The following AUTS2 variants were observed in gnomAD, a reference collection of about 807,000 sequenced individuals.
The protein encoded by AUTS2 is activator of transcription and developmental regulator AUTS2.
Under a neutral mutation model 112.4 loss-of-function variants are expected in AUTS2, and 17 were observed. That is an observed-to-expected ratio of 0.15 (90% CI 0.10 to 0.23). The LOEUF (loss-of-function observed/expected upper bound fraction) is 0.23, where lower values mean the gene tolerates loss of function less well. Among genes scored for constraint, AUTS2 ranks in the 10% least tolerant of loss-of-function variants. The probability of loss-of-function intolerance (pLI) is 1.00; values close to 1 mark genes in which losing one functional copy is unlikely to be tolerated. For missense variants in AUTS2, 1,510 were observed against 1,701.6 expected (o/e 0.89, Z 1.98); for synonymous variants, 751 against 702.7 (o/e 1.07, Z -1.09).
At chr7:70,098,505 G>A (rs1804314559) in intron 2 of AUTS2, among the ~76,000 whole-genome samples, 1 of 152,088 alleles carries the variant, frequency 6.6e-6, no homozygotes. Context: ...TTACAGCAGA[G>A]CCATGCAGCT....
chr7:69,620,691 T>A (rs1793613514), intron 1 of AUTS2, among the ~76,000 whole-genome samples: 1 of 152,220 alleles, frequency 6.6e-6, no homozygotes, highest in African/African-American at 2.4e-5. Context: ...AATATGTTGT[T>A]TCACTAGCTT....
intron 5 of AUTS2, among the ~76,000 whole-genome samples, chr7:70,662,509 T>C (rs1005680285): frequency 2.6e-5 from 4 of 152,168 alleles, no homozygotes; most frequent in Non-Finnish European, 4.4e-5. Context: ...AAGCGAGAGT[T>C]GTAACTGTAT....
chr7:70,215,328 G>C (rs1811116001), intron 4 of AUTS2, among the ~76,000 whole-genome samples: 2 of 152,072 alleles, frequency 1.3e-5, no homozygotes, highest in Admixed American at 6.6e-5. Context: ...TGTTATAGCT[G>C]TTCATATCCT....
intron 4 of AUTS2, among the ~76,000 whole-genome samples, chr7:70,181,237 G>A (rs978876374): frequency 6.6e-6 from 1 of 152,100 alleles, no homozygotes; most frequent in African/African-American, 2.4e-5. Flanking sequence ...TACGAACAAT[G>A]TTTCTGTGAA....
chr7:69,969,846 T>G (rs1294494843), intron 2 of AUTS2, among the ~76,000 whole-genome samples: 1 of 152,194 alleles, frequency 6.6e-6, no homozygotes, highest in South Asian at 2.1e-4. Context: ...GCTGTGATGT[T>G]TGTCCAAAAC....
At chr7:70,259,731 T>G (rs1273608116) in intron 4 of AUTS2, among the ~76,000 whole-genome samples, 1 of 152,230 alleles carries the variant, frequency 6.6e-6, no homozygotes, top group Non-Finnish European at 1.5e-5. Context: ...ACTTTTCTGT[T>G]AAGTGCTAAG....
At chr7:70,736,326 G>A (rs1787780815) in intron 6 of AUTS2, among the ~76,000 whole-genome samples, 1 of 150,336 alleles carries the variant, frequency 6.7e-6, no homozygotes, top group Non-Finnish European at 1.5e-5. Context: ...CTCTAGAAAT[G>A]GACATTATGA....
chr7:70,361,309 G>A (rs1476951919), intron 4 of AUTS2, among the ~76,000 whole-genome samples: 1 of 151,964 alleles, frequency 6.6e-6, no homozygotes, highest in Admixed American at 6.6e-5. Context: ...CTCCAGCCTG[G>A]GTAACAGAGC....
At chr7:70,431,877 A>G (rs1161364803) in intron 4 of AUTS2, among the ~76,000 whole-genome samples, 2 of 152,176 alleles carry the variant, frequency 1.3e-5, no homozygotes, top group African/African-American at 4.8e-5. Flanking sequence ...AGGTTTAGGA[A>G]CTAGTCCCTT....
intron 4 of AUTS2, among the ~76,000 whole-genome samples, chr7:70,420,959 A>G (rs577281547): frequency 8.5e-5 from 13 of 152,362 alleles, no homozygotes; most frequent in African/African-American, 3.1e-4. Flanking sequence ...AATAGTGAAC[A>G]GTATCCCATA....
chr7:70,028,242 G>A (rs1020011194), intron 2 of AUTS2, among the ~76,000 whole-genome samples: 12 of 151,878 alleles, frequency 7.9e-5, no homozygotes, highest in African/African-American at 2.2e-4. Flanking sequence ...TTTAGTTCAC[G>A]CATTACTCAT....
intron 1 of AUTS2, among the ~76,000 whole-genome samples, chr7:69,851,069 A>G: frequency 6.6e-6 from 1 of 152,178 alleles, no homozygotes; most frequent in East Asian, 1.9e-4. Context: ...TTGCCTATGA[A>G]TAATCTAATT....
In AUTS2 at chr7:70,694,370, T is replaced by G. The variant is rs920233055; in HGVS notation, c.691-4199T>G. On this transcript the variant is annotated intron_variant, in intron 5 of 18. Coordinates refer to ENST00000342771, the MANE Select transcript of AUTS2 (RefSeq NM_015570.4). The surrounding 1 kb of genome is among the most constrained non-coding windows in gnomAD (Gnocchi z 4.1). Reference sequence around the variant, plus strand: ...GGCGAGATCCGCACAAAATCCAGACTCCCGGAGCGGCTCCCTCCAGCACCG... The same window carrying G: ...GGCGAGATCCGCACAAAATCCAGACGCCCGGAGCGGCTCCCTCCAGCACCG... The G allele has an allele frequency of 7.0e-6, 1 of 143,682 alleles. No homozygotes were observed. The highest frequency in any genetic ancestry group is 2.6e-5 in the African/African-American group (1 of 38,640). 8.9% of individuals were successfully genotyped at this position (143,682 alleles called of 1,614,324 possible).
chr7:70,363,772 A>G (rs1562910495), intron 4 of AUTS2, among the ~76,000 whole-genome samples: 1 of 152,248 alleles, frequency 6.6e-6, no homozygotes, highest in Non-Finnish European at 1.5e-5. Context: ...ACTAAAAACA[A>G]AACAATTCAG....
intron 6 of AUTS2, among the ~76,000 whole-genome samples, chr7:70,716,483 A>G (rs1031154137): frequency 1.3e-5 from 2 of 151,934 alleles, no homozygotes; most frequent in Non-Finnish European, 2.9e-5. Context: ...TATACAAAAA[A>G]TTAGCCGGAT....
intron 5 of AUTS2, among the ~76,000 whole-genome samples, chr7:70,647,260 C>G (rs1204505698): frequency 1.3e-5 from 2 of 152,226 alleles, no homozygotes; most frequent in African/African-American, 4.8e-5. Context: ...CTTATCCACA[C>G]AGCGAAAAAC....
chr7:70,532,593 C>CA (rs1317518017), intron 5 of AUTS2, among the ~76,000 whole-genome samples: 6 of 152,166 alleles, frequency 3.9e-5, no homozygotes, highest in African/African-American at 1.4e-4. Context: ...ACTATTCCTG[C>CA]ATTCGCGTAT....
At chr7:70,636,009 T>A (rs1440336048) in intron 5 of AUTS2, among the ~76,000 whole-genome samples, 7 of 152,224 alleles carry the variant, frequency 4.6e-5, no homozygotes, top group African/African-American at 1.4e-4. Context: ...TCTGTAGGGA[T>A]CATGCCAAGG....
chr7:70,169,249 T>A (rs1351388614), intron 4 of AUTS2, among the ~76,000 whole-genome samples: 4 of 149,542 alleles, frequency 2.7e-5, no homozygotes, highest in South Asian at 4.2e-4. Flanking sequence ...AATATATATA[T>A]ATTTTTTTTG....
Sources: allele counts gnomAD v4.1 joint callset (sites outside exome capture counted in the v4.1 genomes callset), GRCh38; gene constraint gnomAD v4.1.1; non-coding constraint Gnocchi (gnomAD v3.1); transcripts MANE v1.5; gene names NCBI Gene and HGNC (gene_info 2026-07-23, HGNC 2026-07-21).